The following SOX11 variants were observed in gnomAD, a reference collection of about 807,000 sequenced individuals.
SOX11 encodes the protein SRY-box transcription factor 11, also known as transcription factor SOX-11.
SOX11 carries 5 observed loss-of-function variants against 16.7 expected under a neutral mutation model. The observed-to-expected ratio is 0.30, with a 90% CI of 0.16 to 0.63. The LOEUF (loss-of-function observed/expected upper bound fraction) is 0.63, where lower values mean the gene tolerates loss of function less well. SOX11 is among the 20% of genes least tolerant of loss of function. The pLI is 0.82. For synonymous variants in SOX11, 363 were observed against 298.8 expected, an observed-to-expected ratio of 1.21 and a Z score of -2.22; for missense variants, 492 against 641.5, an observed-to-expected ratio of 0.77 and a Z score of 2.52.
At position 5,693,153 on chromosome 2, in the gene SOX11, CGGCGGCGGCGGGAGCGCGGGCGGA is replaced by C. The variant is rs771197466; in HGVS notation, c.437_460del (p.Gly146_Gly153del). The C allele has an allele frequency of 1.8e-5, 29 of 1,591,528 alleles. No individual in the cohort carries two copies. Among genetic ancestry groups the C allele is most frequent in the South Asian group, 1.1e-5 (1 of 89,508 alleles). The stretch of plus-strand genomic sequence containing the variant: ...AGAGCCCAGAGAAGAGCGCGGCCGG[CGGCGGCGGCGGGAGCGCGGGCGGA>C]GGCGCGGGCGGTGCCAAGACCTCCA... On this transcript the variant is annotated inframe_deletion, in exon 1 of 1. Coordinates refer to ENST00000322002, the MANE Select transcript of SOX11 (RefSeq NM_003108.4). The surrounding 1 kb of genome is among the most constrained non-coding windows in gnomAD (Gnocchi z 8.6).
chr2:5,693,460 G>T lies in SOX11; in HGVS notation c.739G>T (p.Asp247Tyr), dbSNP rs755851269. 3.1e-6 allele frequency: 5 copies of T among 1,589,844 alleles called. No individual in the cohort carries two copies. The highest frequency in any genetic ancestry group is 3.4e-6 in the Non-Finnish European group (4 of 1,175,990). The change falls in exon 1 of 1, where the codon GAC becomes TAC. Residue 247 changes from aspartate (D) to tyrosine (Y), a missense_variant. Physicochemically the swap from Asp to Tyr is radical, Grantham distance 160 (BLOSUM62 -3). Coordinates refer to ENST00000322002, the MANE Select transcript of SOX11 (RefSeq NM_003108.4). The surrounding 1 kb of genome is among the most constrained non-coding windows in gnomAD (Gnocchi z 8.6). ...LQIKQEPDEE[D>Y]EEPPHQQLLQ... is the part of the protein sequence containing the mutation. The stretch of plus-strand genomic sequence containing the variant: ...GATCAAACAGGAGCCGGACGAGGAG[G>T]ACGAGGAACCACCGCACCAGCAGCT...
rs1476616423 is a variant in SOX11, at chr2:5,701,169, CTA to C, written c.*7124_*7125del. Reference sequence around the variant, plus strand: ...AAAATTAAGCATTATTTATTGAAAACTATGTATTTTTTTGTAAAAACCTGATC... The same window carrying C: ...AAAATTAAGCATTATTTATTGAAAACTGTATTTTTTTGTAAAAACCTGATC... On this transcript the variant is annotated 3_prime_UTR_variant, in exon 1 of 1. Coordinates refer to ENST00000322002, the MANE Select transcript of SOX11 (RefSeq NM_003108.4). The C allele has an allele frequency of 1.2e-5, 2 of 166,966 alleles. No homozygotes were observed. The highest frequency in any genetic ancestry group is 2.4e-5 in the African/African-American group (1 of 41,412). 10.3% of individuals were successfully genotyped at this position (166,966 alleles called of 1,614,324 possible).
rs1665690017 is a variant in SOX11 at position 5,694,206 on chromosome 2, A to G, written c.*159A>G. ...GGGGAGAGAAGAAGATGCTGATGAT[A>G]TTGATAAGATGTCGTGACGCAAAGA... On this transcript the variant is annotated 3_prime_UTR_variant, in exon 1 of 1. Coordinates refer to ENST00000322002, the MANE Select transcript of SOX11 (RefSeq NM_003108.4). The G allele has an allele frequency of 2.1e-6, 2 of 934,478 alleles. No individual in the cohort carries two copies. The allele number at this position is 934,478 out of a possible 1,614,324, so 57.9% of individuals were successfully genotyped here.
In SOX11 at chr2:5,695,203, T is replaced by TA. The variant is rs569083897; in HGVS notation, c.*1167dup. 4.8e-3 allele frequency: 748 copies of TA among 157,108 alleles called. 5 individuals are homozygous for TA. Among genetic ancestry groups the TA allele is most frequent in the Middle Eastern group, 0.014 (4 of 278 alleles). The allele number at this position is 157,108 out of a possible 1,614,324, so 9.7% of individuals were successfully genotyped here. A position where few individuals can be genotyped will look rare whatever the true frequency, so the allele number is the denominator to read the frequency against. On this transcript the variant is annotated 3_prime_UTR_variant, in exon 1 of 1. Coordinates refer to ENST00000322002, the MANE Select transcript of SOX11 (RefSeq NM_003108.4). ...CCTTGCATCTAAAGGCCTTGTGGTT[T>TA]AAAAAAAAAAAGCAAACTTTTTTTT...
chr2:5,697,380 G>A lies in SOX11; in HGVS notation c.*3333G>A, dbSNP rs1402227302. 1 of 167,160 alleles carries A rather than the reference G, an allele frequency of 6.0e-6. No homozygotes were observed. Among genetic ancestry groups the A allele is most frequent in the Non-Finnish European group, 1.5e-5 (1 of 68,224 alleles). The allele number at this position is 167,160 out of a possible 1,614,324, so 10.4% of individuals were successfully genotyped here. On this transcript the variant is annotated 3_prime_UTR_variant, in exon 1 of 1. Transcript: ENST00000322002. Reference sequence around the variant, plus strand: ...CAGTAACTGCAGCTGCTAGGCCAGAGGGGCCCCGGCGCCCTTCCCGCCTCC... The same window carrying A: ...CAGTAACTGCAGCTGCTAGGCCAGAAGGGCCCCGGCGCCCTTCCCGCCTCC...
chr2:5,693,735 G>A lies in SOX11; in HGVS notation c.1014G>A (p.Ser338=). The change falls in exon 1 of 1, where the codon TCG becomes TCA. Residue 338 remains serine, a synonymous_variant. Transcript: ENST00000322002. The surrounding 1 kb of genome is among the most constrained non-coding windows in gnomAD (Gnocchi z 8.6). ...CGCTGTCGCCCGCGTCCTCGCGCTC[G>A]GTGTCCACCTCCTCGTCCAGCAGCA... The part of the protein sequence containing the change: ...QPALSPASSR[S]VSTSSSSSSG... 6.9e-6 allele frequency: 11 copies of A among 1,588,832 alleles called. No homozygotes were observed. The highest frequency in any genetic ancestry group is 9.4e-6 in the Non-Finnish European group (11 of 1,168,798).
chr2:5,694,868 T>A lies in SOX11; in HGVS notation c.*821T>A, dbSNP rs1459393091. 6.0e-6 allele frequency: 1 copy of A among 166,406 alleles called. No individual in the cohort carries two copies. The highest frequency in any genetic ancestry group is 1.5e-5 in the Non-Finnish European group (1 of 68,058). The allele number at this position is 166,406 out of a possible 1,614,324, so 10.3% of individuals were successfully genotyped here. ...TTTATGGTTTTACAAATGTGATTTC[T>A]ACTTGCCAACTTTTTTTTTGTAACT... On this transcript the variant is annotated 3_prime_UTR_variant, in exon 1 of 1. Coordinates refer to ENST00000322002, the MANE Select transcript of SOX11 (RefSeq NM_003108.4).
At position 5,693,713 on chromosome 2, in the gene SOX11, T is replaced by G. The variant is rs1481369496; in HGVS notation, c.992T>G (p.Leu331Arg). ...QHPPPLAQPA[L>R]SPASSRSVST... ...CCGCCGCCGCTCGCGCAGCCCGCGC[T>G]GTCGCCCGCGTCCTCGCGCTCGGTG... The change falls in exon 1 of 1, where the codon CTG becomes CGG. Residue 331 changes from leucine (L) to arginine (R), a missense_variant. This residue lies in a region of SOX11 where 389 missense variants were observed against 389.0 expected (regional missense o/e 1.00). Transcript: ENST00000322002. The surrounding 1 kb of genome is among the most constrained non-coding windows in gnomAD (Gnocchi z 8.6). 1.3e-6 allele frequency: 2 copies of G among 1,599,882 alleles called. No individual in the cohort carries two copies. The highest frequency in any genetic ancestry group is 1.7e-6 in the Non-Finnish European group (2 of 1,177,364).
Position 5,692,606 on chromosome 2 carries a change from G to T in SOX11, c.-116G>T. ...GGGGGGGAGGGGGGGAGCCGCGAAAGCGGGGTGCCGAGGACTTTGCAACTT... is the reference window on the plus strand; with the variant it reads ...GGGGGGGAGGGGGGGAGCCGCGAAATCGGGGTGCCGAGGACTTTGCAACTT... On this transcript the variant is annotated 5_prime_UTR_variant, in exon 1 of 1. Transcript: ENST00000322002. 1.3e-6 allele frequency: 1 copy of T among 749,790 alleles called. No individual in the cohort carries two copies. The highest frequency in any genetic ancestry group is 2.1e-6 in the Non-Finnish European group (1 of 481,332). 46.4% of individuals were successfully genotyped at this position (749,790 alleles called of 1,614,324 possible).
Position 5,692,742 on chromosome 2 carries a change from C to T in SOX11, c.21C>T (p.Ser7=). 2 of 1,599,056 alleles carry T rather than the reference C, an allele frequency of 1.3e-6. No individual in the cohort carries two copies. The highest frequency in any genetic ancestry group is 1.7e-6 in the Non-Finnish European group (2 of 1,171,302). The change falls in exon 1 of 1, where the codon AGC becomes AGT. Residue 7 remains serine (S), a synonymous_variant. Coordinates refer to ENST00000322002, the MANE Select transcript of SOX11 (RefSeq NM_003108.4). ...GGATCATGGTGCAGCAGGCGGAGAGCTTGGAAGCGGAGAGCAACCTGCCCC... is the reference window on the plus strand; with the variant it reads ...GGATCATGGTGCAGCAGGCGGAGAGTTTGGAAGCGGAGAGCAACCTGCCCC... MVQQAE[S]LEAESNLPRE...
In SOX11 at chr2:5,693,866, GGGGCGGCGCGGC is replaced by G; in HGVS notation, c.1148_1159del (p.Gly383_Ala386del). 1 of 1,551,492 alleles carries G rather than the reference GGGGCGGCGCGGC, an allele frequency of 6.4e-7. No homozygotes were observed. Among genetic ancestry groups the G allele is most frequent in the East Asian group, 2.4e-5 (1 of 40,900 alleles). On this transcript the variant is annotated inframe_deletion, in exon 1 of 1. Coordinates refer to ENST00000322002, the MANE Select transcript of SOX11 (RefSeq NM_003108.4). This position sits in a 1 kb window ranked among gnomAD's most constrained non-coding sequence, Gnocchi z 8.6. Reference sequence around the variant, plus strand: ...CACAGCGCCAGCGAGCAGCAGCTGGGGGGCGGCGCGGCGGCCGGGAACCTGTCCCTGTCGCTG... The same window carrying G: ...CACAGCGCCAGCGAGCAGCAGCTGGGGGCCGGGAACCTGTCCCTGTCGCTG...
rs563560547 is a variant in SOX11 at position 5,700,311 on chromosome 2, C to A, written c.*6264C>A. The A allele has an allele frequency of 1.2e-5, 2 of 164,352 alleles. No individual in the cohort carries two copies. The highest frequency in any genetic ancestry group is 2.1e-4 in the South Asian group (1 of 4,698). 10.2% of individuals were successfully genotyped at this position (164,352 alleles called of 1,614,324 possible). Reference sequence around the variant, plus strand: ...AAAATGAAAAAATAAAGCAATATGACAAAAAGTTTAAAAATGCATAAAAAA... The same window carrying A: ...AAAATGAAAAAATAAAGCAATATGAAAAAAAGTTTAAAAATGCATAAAAAA... On this transcript the variant is annotated 3_prime_UTR_variant, in exon 1 of 1. Transcript: ENST00000322002.
Position 5,700,044 on chromosome 2 carries a change from C to G in SOX11, c.*5997C>G, listed in dbSNP as rs1665808136. 6.0e-6 allele frequency: 1 copy of G among 167,050 alleles called. No individual in the cohort carries two copies. The highest frequency in any genetic ancestry group is 1.5e-5 in the Non-Finnish European group (1 of 68,118). 10.3% of individuals were successfully genotyped at this position (167,050 alleles called of 1,614,324 possible). On this transcript the variant is annotated 3_prime_UTR_variant, in exon 1 of 1. Transcript: ENST00000322002. The stretch of plus-strand genomic sequence containing the variant: ...ATTCTTACAAGATCTAGCACCTCTG[C>G]CAGTGCACAGATAGGACTGTTTTAA...
chr2:5,694,203 G>A lies in SOX11; in HGVS notation c.*156G>A. 1 of 978,460 alleles carries A rather than the reference G, an allele frequency of 1.0e-6. No individual in the cohort carries two copies. 60.6% of individuals were successfully genotyped at this position (978,460 alleles called of 1,614,324 possible). On this transcript the variant is annotated 3_prime_UTR_variant, in exon 1 of 1. Coordinates refer to ENST00000322002, the MANE Select transcript of SOX11 (RefSeq NM_003108.4). ...GGAGGGGAGAGAAGAAGATGCTGATGATATTGATAAGATGTCGTGACGCAA... is the reference window on the plus strand; with the variant it reads ...GGAGGGGAGAGAAGAAGATGCTGATAATATTGATAAGATGTCGTGACGCAA...
chr2:5,693,899 C>T lies in SOX11; in HGVS notation c.1178C>T (p.Ser393Leu). 3.2e-6 allele frequency: 5 copies of T among 1,551,506 alleles called. No homozygotes were observed. Among genetic ancestry groups the T allele is most frequent in the South Asian group, 1.2e-5 (1 of 84,052 alleles). Residue 393 changes from serine (S) to leucine (L), a missense_variant, in exon 1 of 1, where the codon TCG (serine) becomes TTG (leucine). Ser to Leu is a moderately radical substitution (Grantham distance 145). This residue lies in a region of SOX11 where 31 missense variants were observed against 78.3 expected (regional missense o/e 0.40). Transcript: ENST00000322002. The surrounding 1 kb of genome is among the most constrained non-coding windows in gnomAD (Gnocchi z 8.6). ...GGAAAGNLSL[S>L]LVDKDLDSFS... ...GCGGCGGCCGGGAACCTGTCCCTGT[C>T]GCTGGTGGATAAGGATTTGGATTCG...
rs753494944 is a variant in SOX11 at position 5,692,859 on chromosome 2, G to C, written c.138G>C (p.Ser46=). The C allele has an allele frequency of 4.8e-5, 77 of 1,613,762 alleles. No individual in the cohort carries two copies. Among genetic ancestry groups the C allele is most frequent in the Non-Finnish European group, 5.5e-5 (65 of 1,179,968 alleles). The change falls in exon 1 of 1, where the codon TCG becomes TCC. Residue 46 remains serine (S), a synonymous_variant. Transcript: ENST00000322002. The part of the protein sequence containing the change: ...ESDPDWCKTA[S]GHIKRPMNAF... ...ACCCAGACTGGTGCAAGACGGCGTC[G>C]GGCCACATCAAGCGGCCGATGAACG...
rs1665687249 is a variant in SOX11, at chr2:5,694,088, GC to G, written c.*42del. On this transcript the variant is annotated 3_prime_UTR_variant, in exon 1 of 1. Coordinates refer to ENST00000322002, the MANE Select transcript of SOX11 (RefSeq NM_003108.4). ...CGCTCTTTCTCTCGGAGGGTGCAGA[GC>G]TGGGTTCCTTGGGAGGAAGTTGTAG... The G allele has an allele frequency of 2.0e-6, 3 of 1,512,148 alleles. No individual in the cohort carries two copies. Among genetic ancestry groups the G allele is most frequent in the Non-Finnish European group, 1.8e-6 (2 of 1,128,948 alleles). 93.7% of individuals were successfully genotyped at this position (1,512,148 alleles called of 1,614,324 possible).
rs1427299324 is a variant in SOX11 at position 5,694,483 on chromosome 2, G to T, written c.*436G>T. ...GGGGAGGGGAGGTAGGACCCGCTCC[G>T]GAAGGCGCTGTTTGAAGCTTGTCGG... is the stretch of plus-strand genomic sequence containing the variant. On this transcript the variant is annotated 3_prime_UTR_variant, in exon 1 of 1. Transcript: ENST00000322002. The T allele has an allele frequency of 3.0e-6, 1 of 331,198 alleles. No individual in the cohort carries two copies. The highest frequency in any genetic ancestry group is 2.1e-5 in the African/African-American group (1 of 46,652). The allele number at this position is 331,198 out of a possible 1,614,324, so 20.5% of individuals were successfully genotyped here.
At position 5,693,169 on chromosome 2, in the gene SOX11, G is replaced by T. The variant is rs750131174; in HGVS notation, c.448G>T (p.Ala150Ser). The T allele has an allele frequency of 6.4e-7, 1 of 1,564,808 alleles. No homozygotes were observed. Residue 150 changes from alanine to serine, a missense_variant, in exon 1 of 1, where the codon GCG becomes TCG. This residue lies in a region of SOX11 where 389 missense variants were observed against 389.0 expected (regional missense o/e 1.00). Transcript: ENST00000322002. The surrounding 1 kb of genome is among the most constrained non-coding windows in gnomAD (Gnocchi z 8.6). ...CGCGGCCGGCGGCGGCGGCGGGAGC[G>T]CGGGCGGAGGCGCGGGCGGTGCCAA... ...KSAAGGGGGS[A>S]GGGAGGAKTS...
Sources: gnomAD v4.1 joint callset for allele counts on GRCh38, gnomAD v4.1.1 for gene constraint, gnomAD v4.1.1 regional missense constraint, Gnocchi (gnomAD v3.1) non-coding constraint, MANE v1.5 for transcripts, NCBI Gene and HGNC (gene_info 2026-07-23, HGNC 2026-07-21) for gene names.